Variants in CNBD2 observed in about 807,000 individuals in gnomAD.
CNBD2 encodes cyclic nucleotide-binding domain-containing protein 2.
A neutral mutation model predicts 63.7 loss-of-function variants in CNBD2; 64 were observed. The ratio of observed to expected loss-of-function variants is 1.00; its 90% CI spans 0.82 to 1.24. CNBD2 has a LOEUF of 1.24. Among genes scored for constraint, CNBD2 ranks in the 50% most tolerant of loss-of-function variants. The pLI, the probability that CNBD2 is intolerant of heterozygous loss-of-function variation, is 0.00. For missense variants in CNBD2, 691 were observed against 713.5 expected, an observed-to-expected ratio of 0.97 and a Z score of 0.36; for synonymous variants, 229 against 255.4, an observed-to-expected ratio of 0.90 and a Z score of 0.99.
At position 35,976,713 on chromosome 20, in the gene CNBD2, A is replaced by G. The variant is rs184372517; in HGVS notation, c.243+711A>G. 3.2e-4 allele frequency among the ~76,000 whole-genome samples: 49 copies of G among 152,296 alleles called. 3 individuals are homozygous for G. The East Asian group carries it at 3.3e-3, about 10-fold the overall frequency. Reference sequence around the variant, plus strand: ...TATCTTCTTGGCTTCTCTCCATGATATCCTGGATATTAAATATTAAAATCC... The same window carrying G: ...TATCTTCTTGGCTTCTCTCCATGATGTCCTGGATATTAAATATTAAAATCC... On this transcript the variant is annotated intron_variant, in intron 3 of 11. Coordinates refer to ENST00000373973, the MANE Select transcript of CNBD2 (RefSeq NM_001365709.1).
At chr20:35,974,682 A>G (rs1220932313) in intron 2 of CNBD2, 2 of 152,314 alleles carry the variant, frequency 1.3e-5, no homozygotes, top group South Asian at 2.1e-4. Context: ...ATGGCTATGC[A>G]AAGGATAAAC....
At chr20:36,000,525 T>C (rs1294729817) in intron 8 of CNBD2, among the ~76,000 whole-genome samples, 1 of 151,980 alleles carries the variant, frequency 6.6e-6, no homozygotes, top group African/African-American at 2.4e-5. Flanking sequence ...TACAGGCATA[T>C]GCTACCATAC....
intron 6 of CNBD2, among the ~76,000 whole-genome samples, chr20:35,985,875 AG>A (rs1161760432): frequency 6.6e-6 from 1 of 152,230 alleles, no homozygotes; most frequent in African/African-American, 2.4e-5. Context: ...GAGACCAGAT[AG>A]ATCTGTCTTT....
intron 2 of CNBD2, among the ~76,000 whole-genome samples, chr20:35,975,335 C>G (rs1359782749): frequency 7.6e-5 from 9 of 119,130 alleles, no homozygotes; most frequent in Non-Finnish European, 1.3e-4. Flanking sequence ...GAGTCTTGCT[C>G]TGTTGCCCAG....
At chr20:35,956,976 A>C (rs931560498), downstream of CNBD2, among the ~76,000 whole-genome samples, 3 of 152,228 alleles carry the variant, frequency 2.0e-5, no homozygotes, top group African/African-American at 7.2e-5. Flanking sequence ...GGTGGGGGTT[A>C]AATCATAAAT....
At chr20:36,025,484 A>T (rs992134333) in intron 11 of CNBD2, among the ~76,000 whole-genome samples, 8 of 152,016 alleles carry the variant, frequency 5.3e-5, no homozygotes, top group Admixed American at 5.2e-4. Flanking sequence ...ATAAATGTAC[A>T]CTACAATGCT....
intron 10 of CNBD2, among the ~76,000 whole-genome samples, chr20:36,016,942 C>T (rs2057141538): frequency 6.6e-6 from 1 of 150,972 alleles, no homozygotes; most frequent in Non-Finnish European, 1.5e-5. Flanking sequence ...GCCTATGATC[C>T]CAGCTACTTG....
intron 10 of CNBD2, among the ~76,000 whole-genome samples, chr20:36,021,020 TCTC>T (rs1327514534): frequency 6.6e-6 from 1 of 152,118 alleles, no homozygotes; most frequent in African/African-American, 2.4e-5. Flanking sequence ...CCACTTCACA[TCTC>T]CTTTCAAATT....
chr20:36,007,296 A>G (rs976456532), intron 8 of CNBD2, among the ~76,000 whole-genome samples: 3 of 152,022 alleles, frequency 2.0e-5, no homozygotes, highest in Admixed American at 6.6e-5. Flanking sequence ...TTATTTCTGA[A>G]TTATATTTCC....
At chr20:36,010,541 C>T (rs774146024) in intron 9 of CNBD2, among the ~76,000 whole-genome samples, 9 of 151,714 alleles carry the variant, frequency 5.9e-5, no homozygotes, top group South Asian at 4.2e-4. Context: ...GAGGCCAAAG[C>T]GGGTGGATCA....
intron 10 of CNBD2, among the ~76,000 whole-genome samples, chr20:36,014,036 A>G (rs964998456): frequency 1.3e-5 from 2 of 151,914 alleles, no homozygotes; most frequent in African/African-American, 4.8e-5. Flanking sequence ...AAAAAAAATT[A>G]GCCGGGCGTG....
intron 1 of CNBD2, among the ~76,000 whole-genome samples, chr20:35,969,869 A>G (rs913281871): frequency 6.6e-6 from 1 of 152,232 alleles, no homozygotes. Context: ...TCAACTTTAT[A>G]TAATGTTGCC....
chr20:35,960,524 T>C (rs1056309214), intron 2 of CNBD2, among the ~76,000 whole-genome samples: 1 of 152,214 alleles, frequency 6.6e-6, no homozygotes, highest in Non-Finnish European at 1.5e-5. Context: ...TTTGTTTGTT[T>C]GTTTGTTTTA....
intron 4 of CNBD2, among the ~76,000 whole-genome samples, chr20:35,982,900 A>T (rs1332631394): frequency 6.6e-6 from 1 of 151,978 alleles, no homozygotes; most frequent in Non-Finnish European, 1.5e-5. Flanking sequence ...TTTTGTAGAG[A>T]TGAGGTTTCA....
chr20:35,972,585 A>G, intron 1 of CNBD2, 44 bp from the exon 2 acceptor site: 1 of 1,604,478 alleles, frequency 6.2e-7, no homozygotes, highest in Non-Finnish European at 8.5e-7. Flanking sequence ...TTGACTGTTG[A>G]GAACAGATGG....
At chr20:35,999,623 G>A (rs1601064943) in intron 8 of CNBD2, among the ~76,000 whole-genome samples, 1 of 150,836 alleles carries the variant, frequency 6.6e-6, no homozygotes, top group Middle Eastern at 3.5e-3. Context: ...ATACTTTAAT[G>A]TATATTAAAA....
intron 1 of CNBD2, 110 bp from the exon 2 acceptor site, chr20:35,972,519 A>G: frequency 9.9e-7 from 1 of 1,015,204 alleles, no homozygotes; most frequent in Non-Finnish European, 1.5e-6. Context: ...ACTACAGCAC[A>G]CTACTGCATT....
intron 2 of CNBD2, among the ~76,000 whole-genome samples, chr20:35,960,807 TCTTCCCTTCC>T (rs552308196): frequency 5.1e-4 from 40 of 78,802 alleles, no homozygotes; most frequent in African/African-American, 1.9e-3. Flanking sequence ...TCTTCCCTTC[TCTTCCCTTCC>T]CTTCCCTTCC....
At chr20:35,978,267 C>T (rs1273440775) in intron 3 of CNBD2, among the ~76,000 whole-genome samples, 2 of 152,054 alleles carry the variant, frequency 1.3e-5, no homozygotes, top group African/African-American at 4.8e-5. Context: ...CCTCAACCTC[C>T]TTGGGCTCAA....
Sources: gnomAD v4.1 joint callset for allele counts (sites outside exome capture counted in the v4.1 genomes callset) on GRCh38, gnomAD v4.1.1 for gene constraint, MANE v1.5 for transcripts, NCBI Gene and HGNC (gene_info 2026-07-23, HGNC 2026-07-21) for gene names.